COL25A1: variants seen among roughly 807,000 people sequenced by gnomAD.
COL25A1 encodes the protein collagen type XXV alpha 1 chain, also known as collagen alpha-1(XXV) chain.
Under a neutral mutation model 128.4 loss-of-function variants are expected in COL25A1, and 103 were observed. The ratio of observed to expected loss-of-function variants is 0.80; its 90% confidence interval spans 0.68 to 0.94. COL25A1 has a LOEUF of 0.94. Among genes scored for constraint, COL25A1 ranks in the 40% least tolerant of loss-of-function variants. The pLI is 0.00. For missense variants in COL25A1, 745 were observed against 840.0 expected, an observed-to-expected ratio of 0.89 and a Z score of 1.40; for synonymous variants, 279 against 277.2, an observed-to-expected ratio of 1.01 and a Z score of -0.06.
intron 19 of COL25A1, among the ~76,000 whole-genome samples, chr4:108,875,156 G>A (rs1197112576): frequency 6.6e-6 from 1 of 152,132 alleles, no homozygotes; most frequent in Non-Finnish European, 1.5e-5. Context: ...CATGGGCAAG[G>A]ACTTCATGAC....
At chr4:108,886,864 C>T (rs1469868503) in intron 18 of COL25A1, among the ~76,000 whole-genome samples, 1 of 152,074 alleles carries the variant, frequency 6.6e-6, no homozygotes, top group Non-Finnish European at 1.5e-5. Context: ...CAGGACTCTG[C>T]CTTCACCTCA....
At chr4:108,917,909 A>ATAGT (rs1347862897) in intron 13 of COL25A1, among the ~76,000 whole-genome samples, 6 of 152,238 alleles carry the variant, frequency 3.9e-5, no homozygotes, top group African/African-American at 1.4e-4. Context: ...TGGGAAGGAT[A>ATAGT]TAGTTGTATC....
chr4:109,249,651 A>G (rs1681256409), intron 3 of COL25A1, among the ~76,000 whole-genome samples: 1 of 152,216 alleles, frequency 6.6e-6, no homozygotes, highest in Non-Finnish European at 1.5e-5. Flanking sequence ...ACTAAAAAGA[A>G]AAAGTTACTA....
At chr4:109,041,947 A>C (rs1759945742) in intron 5 of COL25A1, among the ~76,000 whole-genome samples, 1 of 152,174 alleles carries the variant, frequency 6.6e-6, no homozygotes, top group Non-Finnish European at 1.5e-5. Flanking sequence ...CTGTTACAAC[A>C]GCTAAAGTTA....
intron 3 of COL25A1, among the ~76,000 whole-genome samples, chr4:109,075,889 A>G (rs1039679324): frequency 1.3e-5 from 2 of 152,166 alleles, no homozygotes; most frequent in African/African-American, 4.8e-5. Flanking sequence ...AATACAGTCA[A>G]CCCTCAGTAT....
intron 3 of COL25A1, among the ~76,000 whole-genome samples, chr4:109,277,048 C>G (rs1170690600): frequency 6.6e-6 from 1 of 152,168 alleles, no homozygotes; most frequent in Non-Finnish European, 1.5e-5. Context: ...TGGAACTGCT[C>G]TAGTTTGTAA....
chr4:108,910,763 T>C (rs1256683922), intron 13 of COL25A1, among the ~76,000 whole-genome samples: 1 of 152,178 alleles, frequency 6.6e-6, no homozygotes, highest in Non-Finnish European at 1.5e-5. Context: ...TTTCATAGAA[T>C]TGCTATAAGG....
chr4:109,243,341 A>G (rs9999518), intron 3 of COL25A1, among the ~76,000 whole-genome samples: 9,522 of 151,906 alleles, frequency 0.063, 631 homozygotes, highest in African/African-American at 0.17. Flanking sequence ...GTATGAACCA[A>G]CTCTGCTTGT....
intron 11 of COL25A1, among the ~76,000 whole-genome samples, chr4:108,937,099 G>C (rs1388674648): frequency 6.6e-6 from 1 of 151,944 alleles, no homozygotes; most frequent in Non-Finnish European, 1.5e-5. Context: ...TCTGGCATTT[G>C]GGTTATTAGA....
intron 3 of COL25A1, among the ~76,000 whole-genome samples, chr4:109,208,637 AC>A (rs1215405377): frequency 6.6e-6 from 1 of 152,190 alleles, no homozygotes; most frequent in Non-Finnish European, 1.5e-5. Context: ...CACTGAACAA[AC>A]TACAAAGAAC....
At chr4:108,826,099 T>C (rs1405108292) in intron 33 of COL25A1, among the ~76,000 whole-genome samples, 3 of 152,130 alleles carry the variant, frequency 2.0e-5, no homozygotes, top group Non-Finnish European at 2.9e-5. Context: ...ATAAAGAGCA[T>C]GTGTGAGATA....
intron 3 of COL25A1, among the ~76,000 whole-genome samples, chr4:109,167,576 GA>G (rs1773190321): frequency 6.6e-6 from 1 of 152,064 alleles, no homozygotes; most frequent in African/African-American, 2.4e-5. Flanking sequence ...TAATTGAAGT[GA>G]TAAGATTTCA....
intron 3 of COL25A1, among the ~76,000 whole-genome samples, chr4:109,140,545 T>C (rs1205737353): frequency 1.3e-5 from 2 of 152,204 alleles, no homozygotes; most frequent in African/African-American, 4.8e-5. Flanking sequence ...TTTCATGATA[T>C]TGATTCTTCC....
intron 8 of COL25A1, among the ~76,000 whole-genome samples, chr4:108,952,572 C>T (rs146307873): frequency 0.013 from 1,936 of 152,162 alleles, 20 homozygotes; most frequent in South Asian, 0.044. Flanking sequence ...TCTAAGATGG[C>T]GCAGTATAAA....
chr4:109,301,012 G>A (rs758362088), intron 2 of COL25A1, among the ~76,000 whole-genome samples: 39 of 152,162 alleles, frequency 2.6e-4, no homozygotes, highest in Non-Finnish European at 4.7e-4. Context: ...ATACATGAAG[G>A]TCAACTGCTT....
intron 3 of COL25A1, among the ~76,000 whole-genome samples, chr4:109,179,133 C>G (rs1296839768): frequency 2.0e-5 from 3 of 152,182 alleles, no homozygotes; most frequent in South Asian, 2.1e-4. Flanking sequence ...ACTTCCTAGT[C>G]TGGAGGCACA....
At chr4:108,925,734 T>TTCACCTG (rs1745977444) in intron 11 of COL25A1, among the ~76,000 whole-genome samples, 1 of 152,226 alleles carries the variant, frequency 6.6e-6, no homozygotes, top group Non-Finnish European at 1.5e-5. Flanking sequence ...CACCCTTTTG[T>TTCACCTG]TCACCTGACT....
intron 3 of COL25A1, among the ~76,000 whole-genome samples, chr4:109,118,337 TA>T (rs1767793123): frequency 6.7e-6 from 1 of 150,342 alleles, no homozygotes; most frequent in Non-Finnish European, 1.5e-5. Context: ...TCAAAATTGT[TA>T]AAATAATGCA....
intron 3 of COL25A1, among the ~76,000 whole-genome samples, chr4:109,075,397 T>C (rs1763293041): frequency 1.3e-5 from 2 of 152,138 alleles, no homozygotes; most frequent in East Asian, 3.8e-4. Flanking sequence ...GAAGAAATTT[T>C]AAGTTATTCT....
Sources: gnomAD v4.1 joint callset for allele counts (sites outside exome capture counted in the v4.1 genomes callset) on GRCh38, gnomAD v4.1.1 for gene constraint, MANE v1.5 for transcripts, NCBI Gene and HGNC (gene_info 2026-07-23, HGNC 2026-07-21) for gene names.